The following USP6NL variants were observed in gnomAD, a reference collection of about 807,000 sequenced individuals.
USP6NL encodes the protein USP6 N-terminal like.
USP6NL carries 26 observed loss-of-function variants against 61.9 expected under a neutral mutation model. That is an observed-to-expected ratio of 0.42 (90% CI 0.31 to 0.58). The LOEUF is 0.58. USP6NL is among the 20% of genes least tolerant of loss of function. USP6NL has a pLI of 0.16. For synonymous variants in USP6NL, 432 were observed against 390.1 expected (o/e 1.11, Z -1.27); for missense variants, 1,114 against 1,034.3 (o/e 1.08, Z -1.06).
At chr10:11,515,726 T>C (rs1834926183) in intron 5 of USP6NL, among the ~76,000 whole-genome samples, 1 of 152,158 alleles carries the variant, frequency 6.6e-6, no homozygotes, top group Non-Finnish European at 1.5e-5. Flanking sequence ...ATCTTAACAG[T>C]TTGTTTTTCG....
intron 6 of USP6NL, among the ~76,000 whole-genome samples, 189 bp downstream of exon 6, chr10:11,509,405 AC>A (rs1352317636): frequency 6.6e-6 from 1 of 152,222 alleles, no homozygotes; most frequent in East Asian, 1.9e-4. Flanking sequence ...AAATGTCGAA[AC>A]CAATCCGAAT....
chr10:11,561,588 C>G lies in USP6NL; in HGVS notation c.5-34021G>C, dbSNP rs1836931838. Among the ~76,000 whole-genome samples the G allele has an allele frequency of 6.6e-6, 1 of 152,218 alleles. No individual in the cohort carries two copies. Among genetic ancestry groups the G allele is most frequent in the Non-Finnish European group, 1.5e-5 (1 of 68,042 alleles). ...CTCTTCTTAATACTATTGTACTTCACTATATGGATTTGCCATAATGCACTA... is the reference window on the plus strand; with the variant it reads ...CTCTTCTTAATACTATTGTACTTCAGTATATGGATTTGCCATAATGCACTA... On this transcript the variant is annotated intron_variant, in intron 2 of 14. Coordinates refer to ENST00000609104, the MANE Select transcript of USP6NL (RefSeq NM_014688.5). This position sits in a 1 kb window ranked among gnomAD's most constrained non-coding sequence, Gnocchi z 4.1.
At chr10:11,552,320 T>TG (rs1488981774) in intron 2 of USP6NL, among the ~76,000 whole-genome samples, 8 of 152,244 alleles carry the variant, frequency 5.3e-5, no homozygotes, top group Non-Finnish European at 2.9e-5. Flanking sequence ...GTCAGGATAG[T>TG]GAGTCATCCT....
At position 11,465,461 on chromosome 10, in the gene USP6NL, C is replaced by T. The variant is rs1174945812; in HGVS notation, c.1079-1612G>A. 6.6e-6 allele frequency among the ~76,000 whole-genome samples: 1 copy of T among 152,216 alleles called. No individual in the cohort carries two copies. The highest frequency in any genetic ancestry group is 1.5e-5 in the Non-Finnish European group (1 of 68,044). On this transcript the variant is annotated intron_variant, in intron 14 of 14. Coordinates refer to ENST00000609104, the MANE Select transcript of USP6NL (RefSeq NM_014688.5). This position sits in a 1 kb window ranked among gnomAD's most constrained non-coding sequence, Gnocchi z 4.5. ...AGCCCTGGAAGCTGCCTCACTTCTC[C>T]ACCACTCACTGGCCTGCAGAGAGCC...
chr10:11,505,827 G>A (rs937894468), intron 6 of USP6NL, among the ~76,000 whole-genome samples: 5 of 152,168 alleles, frequency 3.3e-5, no homozygotes, highest in East Asian at 3.8e-4. Flanking sequence ...AGTTTTGTGC[G>A]AGTGTGCGCC....
intron 14 of USP6NL, among the ~76,000 whole-genome samples, chr10:11,480,360 C>T (rs1591826383): frequency 6.6e-6 from 1 of 152,158 alleles, no homozygotes; most frequent in South Asian, 2.1e-4. Flanking sequence ...TTAAATAGTT[C>T]TATATTTTTT....
rs1835682954 is a variant in USP6NL at position 11,532,066 on chromosome 10, C to T, written c.5-4499G>A. On this transcript the variant is annotated intron_variant, in intron 2 of 14. Transcript: ENST00000609104. This position sits in a 1 kb window ranked among gnomAD's most constrained non-coding sequence, Gnocchi z 4.1. ...GCAATGAAAAATTCATACAAAGTTA[C>T]TAAGGTTCATTTCCAATAAAATAAA... 1 of 767,610 alleles carries T rather than the reference C, an allele frequency of 1.3e-6. No individual in the cohort carries two copies. Among genetic ancestry groups the T allele is most frequent in the African/African-American group, 1.8e-5 (1 of 56,764 alleles). 47.5% of individuals were successfully genotyped at this position (767,610 alleles called of 1,614,324 possible). A position where few individuals can be genotyped will look rare whatever the true frequency, so the allele number is the denominator to read the frequency against.
rs1449976028 is a variant in USP6NL, at chr10:11,575,707, G to A, written c.4+21924C>T. Among the ~76,000 whole-genome samples the A allele has an allele frequency of 6.6e-6, 1 of 152,066 alleles. No individual in the cohort carries two copies. The highest frequency in any genetic ancestry group is 1.5e-5 in the Non-Finnish European group (1 of 67,998). On this transcript the variant is annotated intron_variant, in intron 2 of 14. Coordinates refer to ENST00000609104, the MANE Select transcript of USP6NL (RefSeq NM_014688.5). This position sits in a 1 kb window ranked among gnomAD's most constrained non-coding sequence, Gnocchi z 4.2. ...GCTAAGCAATCAATAGCTTTTTCTT[G>A]TTTCTCTCATTTTTCATCACACATT...
chr10:11,528,910 C>A lies in USP6NL; in HGVS notation c.5-1343G>T, dbSNP rs1431437305. Among the ~76,000 whole-genome samples the A allele has an allele frequency of 6.6e-6, 1 of 152,102 alleles. No homozygotes were observed. The highest frequency in any genetic ancestry group is 3.2e-3 in the Middle Eastern group (1 of 316). ...GCAGAGCCGGGTGCAGGGTGGAAAACCAAACCCTCATTCTCCAAAGCAGGA... is the reference window on the plus strand; with the variant it reads ...GCAGAGCCGGGTGCAGGGTGGAAAAACAAACCCTCATTCTCCAAAGCAGGA... On this transcript the variant is annotated intron_variant, in intron 2 of 14. Coordinates refer to ENST00000609104, the MANE Select transcript of USP6NL (RefSeq NM_014688.5). The surrounding 1 kb of genome is among the most constrained non-coding windows in gnomAD (Gnocchi z 4.6).
chr10:11,485,072 T>C lies in USP6NL; in HGVS notation c.826-2A>G. On this transcript the variant is annotated splice_acceptor_variant, in intron 12 of 14. Transcript: ENST00000609104. LOFTEE classifies it high-confidence loss of function. The surrounding 1 kb of genome is among the most constrained non-coding windows in gnomAD (Gnocchi z 4.8). ...TCTGAGGTTTAGTGTAAAGGGAGTC[T>C]ACAATTAAAAGCAAAACAAAACAAA... 1.3e-6 allele frequency: 2 copies of C among 1,540,904 alleles called. No individual in the cohort carries two copies. Among genetic ancestry groups the C allele is most frequent in the Non-Finnish European group, 1.7e-6 (2 of 1,144,456 alleles).
intron 7 of USP6NL, among the ~76,000 whole-genome samples, chr10:11,498,328 G>A (rs1270844707): frequency 6.8e-6 from 1 of 147,532 alleles, no homozygotes; most frequent in Non-Finnish European, 1.5e-5. Context: ...GGATGAAGCT[G>A]TTTTCCACTA....
chr10:11,566,135 T>C (rs1310154850), intron 2 of USP6NL, among the ~76,000 whole-genome samples: 4 of 152,206 alleles, frequency 2.6e-5, no homozygotes, highest in African/African-American at 9.7e-5. Context: ...CTGGACTCTC[T>C]GAAATGCCTG....
At position 11,596,085 on chromosome 10, in the gene USP6NL, A is replaced by G. The variant is rs1566207019; in HGVS notation, c.4+1546T>C. 1.3e-5 allele frequency among the ~76,000 whole-genome samples: 2 copies of G among 152,196 alleles called. No individual in the cohort carries two copies. The highest frequency in any genetic ancestry group is 4.1e-4 in the South Asian group (2 of 4,828). ...CACCATCAAACACCGAAATTCAAACATGAAAGGCACAGGCTACCTGCCGTC... is the reference window on the plus strand; with the variant it reads ...CACCATCAAACACCGAAATTCAAACGTGAAAGGCACAGGCTACCTGCCGTC... On this transcript the variant is annotated intron_variant, in intron 2 of 14. Coordinates refer to ENST00000609104, the MANE Select transcript of USP6NL (RefSeq NM_014688.5). The surrounding 1 kb of genome is among the most constrained non-coding windows in gnomAD (Gnocchi z 4.1).
At chr10:11,503,559 T>C (rs73569114) in intron 6 of USP6NL, among the ~76,000 whole-genome samples, 4,331 of 152,292 alleles carry the variant, frequency 0.028, 81 homozygotes, top group Non-Finnish European at 0.046. Flanking sequence ...TTAAGAAACA[T>C]TGATACAGTG....
chr10:11,611,425 C>G lies in USP6NL; in HGVS notation c.-84+18G>C, dbSNP rs1241838062. The G allele has an allele frequency of 6.6e-6, 1 of 152,480 alleles. No individual in the cohort carries two copies. The highest frequency in any genetic ancestry group is 2.4e-5 in the African/African-American group (1 of 41,346). The allele number at this position is 152,480 out of a possible 1,614,324, so 9.4% of individuals were successfully genotyped here. On this transcript the variant is annotated intron_variant, in intron 1 of 14. Transcript: ENST00000609104. The surrounding 1 kb of genome is among the most constrained non-coding windows in gnomAD (Gnocchi z 5.3). ...CGCCGCCGGCCCCTCACGGCGGGAG[C>G]TGAGGAATGGAAGTTACCTCAGTAC...
At position 11,596,121 on chromosome 10, in the gene USP6NL, A is replaced by G. The variant is rs1838319397; in HGVS notation, c.4+1510T>C. Among the ~76,000 whole-genome samples, 1 of 152,234 alleles carries G rather than the reference A, an allele frequency of 6.6e-6. No homozygotes were observed. Among genetic ancestry groups the G allele is most frequent in the African/African-American group, 2.4e-5 (1 of 41,460 alleles). ...AGGCTACCTGCCGTCAAAAAAACTT[A>G]CATCTGCAACACTGATCCTAACAGA... On this transcript the variant is annotated intron_variant, in intron 2 of 14. Transcript: ENST00000609104. The surrounding 1 kb of genome is among the most constrained non-coding windows in gnomAD (Gnocchi z 4.1).
chr10:11,532,500 C>CACGGCTT lies in USP6NL; in HGVS notation c.5-4940_5-4934dup, dbSNP rs1835699704. ...AGCTGATCATTGTTGAGGGTGAAAA[C>CACGGCTT]ACGGCTTTCAGGCTACATCCCAACT... On this transcript the variant is annotated intron_variant, in intron 2 of 14. Transcript: ENST00000609104. The surrounding 1 kb of genome is among the most constrained non-coding windows in gnomAD (Gnocchi z 4.1). Among the ~76,000 whole-genome samples the CACGGCTT allele has an allele frequency of 6.6e-6, 1 of 152,184 alleles. No homozygotes were observed. Among genetic ancestry groups the CACGGCTT allele is most frequent in the Non-Finnish European group, 1.5e-5 (1 of 68,032 alleles).
rs557529784 is a variant in USP6NL at position 11,489,513 on chromosome 10, A to G, written c.544-291T>C. ...AGAGTGATAATATTTATTTCACTTT[A>G]TGTATGATTCTTAGCTCACTATTCC... On this transcript the variant is annotated intron_variant, in intron 9 of 14. Coordinates refer to ENST00000609104, the MANE Select transcript of USP6NL (RefSeq NM_014688.5). The surrounding 1 kb of genome is among the most constrained non-coding windows in gnomAD (Gnocchi z 5.7). Among the ~76,000 whole-genome samples, 1 of 152,330 alleles carries G rather than the reference A, an allele frequency of 6.6e-6. No individual in the cohort carries two copies. The highest frequency in any genetic ancestry group is 1.9e-4 in the East Asian group (1 of 5,190).
At chr10:11,610,086 T>C (rs1435815014) in intron 1 of USP6NL, among the ~76,000 whole-genome samples, 1 of 152,176 alleles carries the variant, frequency 6.6e-6, no homozygotes, top group African/African-American at 2.4e-5. Flanking sequence ...ATATATATAA[T>C]CAGCAAAGGA....
Sources: allele counts gnomAD v4.1 joint callset (sites outside exome capture counted in the v4.1 genomes callset), GRCh38; gene constraint gnomAD v4.1.1; non-coding constraint Gnocchi (gnomAD v3.1); transcripts MANE v1.5; gene names NCBI Gene and HGNC (gene_info 2026-07-23, HGNC 2026-07-21).